The following SLC17A9 variants were observed in gnomAD, a reference collection of about 807,000 sequenced individuals.
The protein encoded by SLC17A9 is voltage-gated purine nucleotide uniporter SLC17A9.
In SLC17A9, 49 loss-of-function variants were observed where a neutral mutation model predicts 55.0. The ratio of observed to expected loss-of-function variants is 0.89; its 90% CI spans 0.71 to 1.13. SLC17A9 has a LOEUF of 1.13. SLC17A9 is among the 50% of genes most tolerant of loss of function. SLC17A9 has a pLI of 0.00. For synonymous variants in SLC17A9, 256 were observed against 247.4 expected (o/e 1.03, Z -0.32); for missense variants, 526 against 569.3 (o/e 0.92, Z 0.77).
chr20:62,964,158 C>A, intron 7 of SLC17A9, 70 bp from the exon 8 acceptor site: 1 of 1,518,426 alleles, frequency 6.6e-7, no homozygotes, highest in Non-Finnish European at 9.1e-7. Flanking sequence ...CGCTGTCCAG[C>A]CTGAGTATCC....
chr20:62,965,608 A>AGGGCAT lies in SLC17A9; in HGVS notation c.949_954dup, dbSNP rs1358815633. ...CTCCGTCACGGTGGCGCTTTCCTGC[A>AGGGCAT]GGGCATGGGCCTTGGCCTCTCCAGC... is the stretch of plus-strand genomic sequence containing the variant. On this transcript the variant is annotated splice_acceptor_variant, in intron 9 of 12. Coordinates refer to ENST00000370351, the MANE Select transcript of SLC17A9 (RefSeq NM_022082.4). LOFTEE classifies it high-confidence loss of function. 6.2e-7 allele frequency: 1 copy of AGGGCAT among 1,611,682 alleles called. No homozygotes were observed. Among genetic ancestry groups the AGGGCAT allele is most frequent in the Non-Finnish European group, 8.5e-7 (1 of 1,179,786 alleles).
chr20:62,961,362 C>A (rs942576367), intron 4 of SLC17A9, among the ~76,000 whole-genome samples: 7 of 151,774 alleles, frequency 4.6e-5, no homozygotes, highest in Non-Finnish European at 1.0e-4. Flanking sequence ...GTGGGCCTAT[C>A]AGCTGGCTGG....
rs368854989 is a variant in SLC17A9, at chr20:62,965,152, C to A, written c.931C>A (p.Arg311=). The A allele has an allele frequency of 1.2e-6, 2 of 1,614,124 alleles. No individual in the cohort carries two copies. The highest frequency in any genetic ancestry group is 8.5e-7 in the Non-Finnish European group (1 of 1,180,028). The change falls in exon 9 of 13, where the codon CGG becomes AGG. Residue 311 remains arginine, a synonymous_variant. Transcript: ENST00000370351. ...INQGYRAITV[R]KLMQGMGLGL... is the part of the protein sequence containing the mutation. ...TGTAGGTTACAGAGCCATCACGGTG[C>A]GGAAGCTCATGCAGGTAGGAGAATC...
In SLC17A9 at chr20:62,958,176, CAT is replaced by C. The variant is rs1457264708; in HGVS notation, c.397+597_397+598del. ...GCCCGTATGAGGGTGTACGTGTGGC[CAT>C]GTGTGTGCCTTCTGTAGGTGCACAC... On this transcript the variant is annotated intron_variant, in intron 3 of 12. Transcript: ENST00000370351. The surrounding 1 kb of genome is among the most constrained non-coding windows in gnomAD (Gnocchi z 4.1). Among the ~76,000 whole-genome samples the C allele has an allele frequency of 6.6e-6, 1 of 152,102 alleles. No homozygotes were observed. Among genetic ancestry groups the C allele is most frequent in the Non-Finnish European group, 1.5e-5 (1 of 68,024 alleles).
chr20:62,962,695 C>T lies in SLC17A9; in HGVS notation c.569C>T (p.Ser190Phe), dbSNP rs1254707857. The change falls in exon 5 of 13, where the codon TCC (serine) becomes TTC (phenylalanine). Residue 190 changes from serine (S) to phenylalanine (F), a missense_variant. Transcript: ENST00000370351. This position sits in a 1 kb window ranked among gnomAD's most constrained non-coding sequence, Gnocchi z 5.5. Reference protein sequence around the residue: ...WYGWQSIFYFSGGLTLLWVWY... With the variant: ...WYGWQSIFYFFGGLTLLWVWY... ...GGCTGGCAGAGCATCTTCTATTTCT[C>T]CGGCGGCCTCACCTTGCTTTGGGTG... The T allele has an allele frequency of 1.1e-5, 17 of 1,613,964 alleles. No individual in the cohort carries two copies. The highest frequency in any genetic ancestry group is 1.4e-5 in the Non-Finnish European group (17 of 1,179,974).
In SLC17A9 at chr20:62,957,486, C is replaced by G. The variant is rs771631176; in HGVS notation, c.303C>G (p.Gly101=). The stretch of plus-strand genomic sequence containing the variant: ...TCCTGCTGTCAGCCTCTGCCTGGGG[C>G]TCCATCACGGCCGTCACCCCACTGC... The part of the protein sequence containing the change: ...KVILLSASAW[G]SITAVTPLLA... Residue 101 remains glycine (G), a synonymous_variant, in exon 3 of 13, where the codon GGC becomes GGG. Coordinates refer to ENST00000370351, the MANE Select transcript of SLC17A9 (RefSeq NM_022082.4). 6.8e-5 allele frequency: 109 copies of G among 1,609,490 alleles called. No individual in the cohort carries two copies. Among genetic ancestry groups the G allele is most frequent in the Non-Finnish European group, 9.2e-5 (109 of 1,178,546 alleles).
In SLC17A9 at chr20:62,967,564, G is replaced by C; in HGVS notation, c.*64G>C. On this transcript the variant is annotated 3_prime_UTR_variant, in exon 13 of 13. Transcript: ENST00000370351. ...GCAGCCCCAGGACACAGGGGACTCA[G>C]TGTGTGGGACTTGGTCACTCCATGT... The C allele has an allele frequency of 6.4e-7, 1 of 1,551,484 alleles. No homozygotes were observed. Among genetic ancestry groups the C allele is most frequent in the Non-Finnish European group, 8.8e-7 (1 of 1,142,522 alleles).
chr20:62,960,401 G>A, intron 3 of SLC17A9, 103 bp from the exon 4 acceptor site: 1 of 1,065,222 alleles, frequency 9.4e-7, no homozygotes, highest in Admixed American at 2.1e-5. Flanking sequence ...GAGCTAGAGG[G>A]ACAGGTGGAC....
intron 6 of SLC17A9, 88 bp from the exon 7 acceptor site, chr20:62,963,496 C>A: frequency 1.3e-6 from 2 of 1,508,128 alleles, no homozygotes; most frequent in Non-Finnish European, 1.8e-6. Flanking sequence ...GGGACTCTGG[C>A]CCCCAGGGGA....
chr20:62,954,231 T>G (rs2065516079), intron 1 of SLC17A9, among the ~76,000 whole-genome samples: 1 of 152,222 alleles, frequency 6.6e-6, no homozygotes, highest in Non-Finnish European at 1.5e-5. Context: ...CGCCAAGGAT[T>G]CTGGAGGGGC....
At position 62,958,126 on chromosome 20, in the gene SLC17A9, T is replaced by C. The variant is rs1045918516; in HGVS notation, c.397+546T>C. Among the ~76,000 whole-genome samples the C allele has an allele frequency of 1.3e-5, 2 of 152,158 alleles. No individual in the cohort carries two copies. The highest frequency in any genetic ancestry group is 2.9e-5 in the Non-Finnish European group (2 of 68,010). Reference sequence around the variant, plus strand: ...ATGTGTATGTGCGTATGCGTGCCCATATGCGTGTGTACGTGCGTGAGTGTG... The same window carrying C: ...ATGTGTATGTGCGTATGCGTGCCCACATGCGTGTGTACGTGCGTGAGTGTG... On this transcript the variant is annotated intron_variant, in intron 3 of 12. Transcript: ENST00000370351. The surrounding 1 kb of genome is among the most constrained non-coding windows in gnomAD (Gnocchi z 4.1).
In SLC17A9 at chr20:62,967,774, G is replaced by A. The variant is rs931119400; in HGVS notation, c.*274G>A. On this transcript the variant is annotated 3_prime_UTR_variant, in exon 13 of 13. Coordinates refer to ENST00000370351, the MANE Select transcript of SLC17A9 (RefSeq NM_022082.4). ...GTCCTCCTCACAGGCTGGTGTGGCC[G>A]TCAGGGTGGGTGGGGTTATTGTTAG... 21 of 380,606 alleles carry A rather than the reference G, an allele frequency of 5.5e-5. No individual in the cohort carries two copies. The highest frequency in any genetic ancestry group is 9.0e-5 in the South Asian group (2 of 22,120). The allele number at this position is 380,606 out of a possible 1,614,324, so 23.6% of individuals were successfully genotyped here. A position where few individuals can be genotyped will look rare whatever the true frequency, so the allele number is the denominator to read the frequency against.
chr20:62,968,366 C>T lies in SLC17A9; in HGVS notation c.*866C>T, dbSNP rs1056306600. The T allele has an allele frequency of 1.3e-5, 2 of 152,316 alleles. No homozygotes were observed. The highest frequency in any genetic ancestry group is 2.4e-5 in the African/African-American group (1 of 41,480). 9.4% of individuals were successfully genotyped at this position (152,316 alleles called of 1,614,324 possible). On this transcript the variant is annotated 3_prime_UTR_variant, in exon 13 of 13. Coordinates refer to ENST00000370351, the MANE Select transcript of SLC17A9 (RefSeq NM_022082.4). Reference sequence around the variant, plus strand: ...CTTTCCCAGGCCTGGTGATTCTGCTCTCCAGGGACGGTTGGCACCTTCCTC... The same window carrying T: ...CTTTCCCAGGCCTGGTGATTCTGCTTTCCAGGGACGGTTGGCACCTTCCTC...
At chr20:62,957,625 T>G in intron 3 of SLC17A9, 45 bp downstream of exon 3, 6 of 1,468,404 alleles carry the variant, frequency 4.1e-6, no homozygotes, top group Non-Finnish European at 5.4e-6. Flanking sequence ...TGGCACCAGG[T>G]GGGGAGACAA....
At chr20:62,956,118 G>A (rs925582543) in intron 1 of SLC17A9, among the ~76,000 whole-genome samples, 19 of 152,220 alleles carry the variant, frequency 1.2e-4, no homozygotes, top group Non-Finnish European at 2.8e-4. Context: ...CTGAGATCTC[G>A]CCCGGCCTCC....
intron 1 of SLC17A9, chr20:62,953,312 G>A (rs1338283166): frequency 9.2e-6 from 14 of 1,514,280 alleles, no homozygotes; most frequent in Non-Finnish European, 1.2e-5. Context: ...GGACGGGGTT[G>A]GGGGGGGTCC....
chr20:62,960,271 G>A (rs1323080428), intron 3 of SLC17A9, among the ~76,000 whole-genome samples: 1 of 152,258 alleles, frequency 6.6e-6, no homozygotes, highest in Admixed American at 6.5e-5. Context: ...TAGCTTGGAA[G>A]CAGGGGTGTT....
At chr20:62,966,012 G>C (rs2065635522) in intron 10 of SLC17A9, among the ~76,000 whole-genome samples, 1 of 152,244 alleles carries the variant, frequency 6.6e-6, no homozygotes, top group Admixed American at 6.5e-5. Context: ...AAGACGGGCA[G>C]CTGGGGCTCG....
Position 62,962,522 on chromosome 20 carries a change from C to A in SLC17A9, c.498-102C>A. The A allele has an allele frequency of 1.4e-6, 2 of 1,461,226 alleles. No individual in the cohort carries two copies. The highest frequency in any genetic ancestry group is 1.8e-6 in the Non-Finnish European group (2 of 1,090,764). 90.5% of individuals were successfully genotyped at this position (1,461,226 alleles called of 1,614,324 possible). On this transcript the variant is annotated intron_variant, in intron 4 of 12. Transcript: ENST00000370351. The surrounding 1 kb of genome is among the most constrained non-coding windows in gnomAD (Gnocchi z 5.5). ...CTGGAGGCGATGAAAACACCCTCTT[C>A]TCCAGGGGCTCAGCCTGCACCAGGG...
Sources: allele counts gnomAD v4.1 joint callset (sites outside exome capture counted in the v4.1 genomes callset), GRCh38; gene constraint gnomAD v4.1.1; non-coding constraint Gnocchi (gnomAD v3.1); transcripts MANE v1.5; gene names NCBI Gene and HGNC (gene_info 2026-07-23, HGNC 2026-07-21).